KCNH1: variants seen among roughly 807,000 people sequenced by gnomAD.
KCNH1 encodes voltage-gated delayed rectifier potassium channel KCNH1.
KCNH1 carries 27 observed loss-of-function variants against 69.2 expected under a neutral mutation model. That is an observed-to-expected ratio of 0.39 (90% CI 0.29 to 0.54). The LOEUF is 0.54. Ranked by LOEUF, KCNH1 falls within the 20% of genes least tolerant of loss-of-function variation. KCNH1 has a pLI of 0.68. For missense variants in KCNH1, 798 were observed against 1,261.6 expected, an observed-to-expected ratio of 0.63 and a Z score of 5.57; for synonymous variants, 456 against 487.7, an observed-to-expected ratio of 0.93 and a Z score of 0.86.
chr1:210,862,816 G>A (rs1209663239), intron 7 of KCNH1, among the ~76,000 whole-genome samples: 1 of 152,170 alleles, frequency 6.6e-6, no homozygotes, highest in Non-Finnish European at 1.5e-5. Context: ...GGAAATGGAG[G>A]AAAGGCCCTT....
chr1:211,075,046 G>C (rs569538622), intron 5 of KCNH1, among the ~76,000 whole-genome samples: 1 of 152,336 alleles, frequency 6.6e-6, no homozygotes, highest in East Asian at 1.9e-4. Context: ...GTTAAGCATG[G>C]TGTGTACAAG....
intron 1 of KCNH1, among the ~76,000 whole-genome samples, chr1:211,113,928 A>C (rs1283591615): frequency 6.6e-6 from 1 of 151,504 alleles, no homozygotes; most frequent in Non-Finnish European, 1.5e-5. Flanking sequence ...AGCCTACATT[A>C]GATCAAGTCT....
intron 6 of KCNH1, among the ~76,000 whole-genome samples, chr1:210,979,910 T>A (rs1501544): frequency 0.13 from 19,865 of 152,224 alleles, 1,630 homozygotes; most frequent in East Asian, 0.39. Flanking sequence ...ATCTAAATTT[T>A]GAAATATATG....
At chr1:211,086,109 T>A (rs1690947600) in intron 4 of KCNH1, among the ~76,000 whole-genome samples, 1 of 152,344 alleles carries the variant, frequency 6.6e-6, no homozygotes, top group East Asian at 1.9e-4. Context: ...CGCAGGTGTT[T>A]CCTTGTGTCT....
intron 7 of KCNH1, among the ~76,000 whole-genome samples, chr1:210,831,766 A>G (rs1319639057): frequency 6.6e-6 from 1 of 152,184 alleles, no homozygotes; most frequent in African/African-American, 2.4e-5. Flanking sequence ...TCCACTGAAC[A>G]TAACTGCACC....
rs866342128 is a variant in KCNH1, at chr1:210,846,311, G to A, written c.1463-42145C>T. The stretch of plus-strand genomic sequence containing the variant: ...AAAAGAACAAACCTGGAGGCATCAC[G>A]CTGCCTGACTTCAAACTATACTACA... On this transcript the variant is annotated intron_variant, in intron 7 of 10. Coordinates refer to ENST00000271751, the MANE Select transcript of KCNH1 (RefSeq NM_172362.3). Among the ~76,000 whole-genome samples, 125 of 152,196 alleles carry A rather than the reference G, an allele frequency of 8.2e-4. No individual in the cohort carries two copies. The Middle Eastern group carries it at 0.01, about 12-fold the overall frequency.
At chr1:210,927,530 C>A (rs1295413682) in intron 6 of KCNH1, among the ~76,000 whole-genome samples, 6 of 152,100 alleles carry the variant, frequency 3.9e-5, no homozygotes, top group Non-Finnish European at 8.8e-5. Flanking sequence ...TCACCACAAC[C>A]AAGCCATCAC....
chr1:210,716,374 G>C (rs982849541), intron 10 of KCNH1, among the ~76,000 whole-genome samples: 1 of 142,406 alleles, frequency 7.0e-6, no homozygotes, highest in Non-Finnish European at 1.5e-5. Flanking sequence ...GGAGGTTGCA[G>C]TGAGCAGAGA....
At chr1:210,805,210 G>GC (rs1684524406) in intron 7 of KCNH1, among the ~76,000 whole-genome samples, 1 of 152,072 alleles carries the variant, frequency 6.6e-6, no homozygotes, top group African/African-American at 2.4e-5. Context: ...TCTTTTCCTT[G>GC]CCGTTGTATC....
intron 7 of KCNH1, among the ~76,000 whole-genome samples, chr1:210,867,125 G>A (rs1488848881): frequency 6.6e-6 from 1 of 151,878 alleles, no homozygotes; most frequent in Middle Eastern, 3.2e-3. Context: ...GAGGAGAAAT[G>A]GAAAGTGACT....
intron 7 of KCNH1, among the ~76,000 whole-genome samples, chr1:210,877,280 T>C (rs1364392618): frequency 6.6e-6 from 1 of 152,110 alleles, no homozygotes; most frequent in African/African-American, 2.4e-5. Flanking sequence ...GGTGGAAGAC[T>C]GGGCTGCAGG....
intron 5 of KCNH1, among the ~76,000 whole-genome samples, chr1:211,080,005 T>C (rs1353675140): frequency 6.6e-6 from 1 of 152,134 alleles, no homozygotes; most frequent in African/African-American, 2.4e-5. Context: ...AGGTATTTAA[T>C]TAGGAAAAGA....
intron 7 of KCNH1, among the ~76,000 whole-genome samples, chr1:210,839,180 C>T (rs1013675104): frequency 3.3e-5 from 5 of 152,108 alleles, no homozygotes; most frequent in Non-Finnish European, 5.9e-5. Context: ...CAGTGACAGA[C>T]TGGATAAAGA....
chr1:211,051,525 A>T (rs2102441246), intron 5 of KCNH1, among the ~76,000 whole-genome samples: 1 of 152,320 alleles, frequency 6.6e-6, no homozygotes, highest in Admixed American at 6.5e-5. Flanking sequence ...CCCAGCCAAC[A>T]GATGGAGCAA....
intron 7 of KCNH1, among the ~76,000 whole-genome samples, chr1:210,873,565 G>A (rs1039342114): frequency 2.0e-5 from 3 of 151,814 alleles, no homozygotes; most frequent in Admixed American, 2.0e-4. Flanking sequence ...TGTTTGCCAG[G>A]CTTGAACTCC....
intron 10 of KCNH1, among the ~76,000 whole-genome samples, chr1:210,744,830 G>A (rs1032687821): frequency 4.6e-5 from 7 of 152,110 alleles, no homozygotes; most frequent in Admixed American, 2.0e-4. Context: ...AGACCCAAGC[G>A]CCGTTAGTTA....
chr1:210,914,134 C>A (rs901702660), intron 7 of KCNH1, among the ~76,000 whole-genome samples: 35 of 152,282 alleles, frequency 2.3e-4, no homozygotes, highest in African/African-American at 8.4e-4. Context: ...CACTTTTGGT[C>A]TCTGTCCAAC....
intron 10 of KCNH1, among the ~76,000 whole-genome samples, chr1:210,763,032 A>C (rs1453166389): frequency 6.6e-6 from 1 of 152,200 alleles, no homozygotes; most frequent in African/African-American, 2.4e-5. Flanking sequence ...ACTGTGAGCA[A>C]GTGGGCTTTA....
rs57669878 is a variant in KCNH1, at chr1:210,738,552, C to CTTTTTTTTTTTTTTTTTT, written c.2112+36778_2112+36795dup. Among the ~76,000 whole-genome samples, 15 of 49,150 alleles carry CTTTTTTTTTTTTTTTTTT rather than the reference C, an allele frequency of 3.1e-4. 2 individuals are homozygous for CTTTTTTTTTTTTTTTTTT. Among genetic ancestry groups the CTTTTTTTTTTTTTTTTTT allele is most frequent in the East Asian group, 1.2e-3 (2 of 1,610 alleles). The allele number at this position is 49,150 out of a possible 152,430, so 32.2% of individuals were successfully genotyped here. On this transcript the variant is annotated intron_variant, in intron 10 of 10. Coordinates refer to ENST00000271751, the MANE Select transcript of KCNH1 (RefSeq NM_172362.3). ...CTGTATTCCTGGCTTGGCTTTTTTGCTTTTTTTTTTTTTTTTTTTTTTTTT... is the reference window on the plus strand; with the variant it reads ...CTGTATTCCTGGCTTGGCTTTTTTGCTTTTTTTTTTTTTTTTTTTTTTTTTTTTTTTTTTTTTTTTTTT...
Sources: allele counts gnomAD v4.1 joint callset (sites outside exome capture counted in the v4.1 genomes callset), GRCh38; gene constraint gnomAD v4.1.1; transcripts MANE v1.5; gene names NCBI Gene and HGNC (gene_info 2026-07-23, HGNC 2026-07-21).